Variants in GPR39 observed in about 807,000 individuals in gnomAD.
The protein encoded by GPR39 is zinc sensing receptor.
A neutral mutation model predicts 18.4 loss-of-function variants in GPR39; 23 were observed. The ratio of observed to expected loss-of-function variants is 1.25; its 90% confidence interval spans 0.90 to 1.77. The LOEUF (loss-of-function observed/expected upper bound fraction) is 1.77, where lower values mean the gene tolerates loss of function less well. GPR39 is among the 40% of genes most tolerant of loss of function. The probability of loss-of-function intolerance (pLI) is 0.00; values close to 1 mark genes in which losing one functional copy is unlikely to be tolerated. For synonymous variants in GPR39, 280 were observed against 257.9 expected (o/e 1.09, Z -0.82); for missense variants, 647 against 602.4 (o/e 1.07, Z -0.78).
At chr2:132,558,064 A>G (rs1680187100) in intron 1 of GPR39, among the ~76,000 whole-genome samples, 1 of 152,156 alleles carries the variant, frequency 6.6e-6, no homozygotes, top group Admixed American at 6.5e-5. Context: ...TTTTTGTTAT[A>G]TAAAGGATAC....
In GPR39 at chr2:132,646,271, T is replaced by C; in HGVS notation, c.*665T>C. ...CGCTGATGATGCACAGGACTTGCGG[T>C]ACATGATCCCTGTAACACAGACCCA... On this transcript the variant is annotated 3_prime_UTR_variant, in exon 2 of 2. Transcript: ENST00000329321. The C allele has an allele frequency of 6.5e-7, 1 of 1,543,694 alleles. No homozygotes were observed. Among genetic ancestry groups the C allele is most frequent in the Non-Finnish European group, 8.8e-7 (1 of 1,141,396 alleles).
At chr2:132,530,782 C>A (rs569626596) in intron 1 of GPR39, among the ~76,000 whole-genome samples, 54 of 152,204 alleles carry the variant, frequency 3.5e-4, no homozygotes, top group Non-Finnish European at 6.9e-4. Context: ...GAAATAAAAT[C>A]CTTTACAGAC....
intron 1 of GPR39, among the ~76,000 whole-genome samples, chr2:132,558,503 G>C (rs999088593): frequency 6.6e-6 from 1 of 152,184 alleles, no homozygotes; most frequent in Admixed American, 6.5e-5. Flanking sequence ...TTGTGACACA[G>C]AGATCAGATC....
intron 1 of GPR39, among the ~76,000 whole-genome samples, chr2:132,498,887 C>G (rs1681698662): frequency 1.3e-5 from 2 of 152,036 alleles, no homozygotes; most frequent in Non-Finnish European, 2.9e-5. Context: ...GTGTTCATGT[C>G]TTTAGCCCAC....
intron 1 of GPR39, among the ~76,000 whole-genome samples, chr2:132,441,810 T>C (rs1480812848): frequency 6.6e-6 from 1 of 152,206 alleles, no homozygotes; most frequent in Non-Finnish European, 1.5e-5. Context: ...AGACTCAGGC[T>C]TGGGGTTTTA....
In GPR39 at chr2:132,450,979, A is replaced by G. The variant is rs1018968531; in HGVS notation, c.856+33081A>G. ...CTGATTTTCAGCCCAAATTCCAGCT[A>G]TGTCCAGTGCTCAAAGGTGGATGCC... On this transcript the variant is annotated intron_variant, in intron 1 of 1. Coordinates refer to ENST00000329321, the MANE Select transcript of GPR39 (RefSeq NM_001508.3). Among the ~76,000 whole-genome samples, 7 of 152,306 alleles carry G rather than the reference A, an allele frequency of 4.6e-5. No individual in the cohort carries two copies. The South Asian group carries it at 1.2e-3, about 27-fold the overall frequency.
rs966463098 is a variant in GPR39 at position 132,643,589 on chromosome 2, C to T, written c.857-1512C>T. Among the ~76,000 whole-genome samples, 9 of 152,330 alleles carry T rather than the reference C, an allele frequency of 5.9e-5. No homozygotes were observed. In the South Asian group the frequency reaches 1.0e-3, roughly 18 times the overall value. On this transcript the variant is annotated intron_variant, in intron 1 of 1. Transcript: ENST00000329321. ...AGTGCAGTGGCACATTCGTGTCTCA[C>T]TGTAGCCTTCACCTCCTGGGCTCAA...
At chr2:132,603,689 A>G (rs1419324133) in intron 1 of GPR39, among the ~76,000 whole-genome samples, 6 of 152,224 alleles carry the variant, frequency 3.9e-5, no homozygotes, top group Non-Finnish European at 8.8e-5. Context: ...AGGTGATCAC[A>G]AAGGGTGTAC....
At chr2:132,451,147 CTGTGTGTGTGTG>C (rs34508615) in intron 1 of GPR39, among the ~76,000 whole-genome samples, 1 of 105,982 alleles carries the variant, frequency 9.4e-6, no homozygotes, top group African/African-American at 2.8e-5. Flanking sequence ...ATCTTTGAGG[CTGTGTGTGTGTG>C]TGTGTGTGTG....
intron 1 of GPR39, among the ~76,000 whole-genome samples, chr2:132,558,038 G>A (rs948285496): frequency 2.0e-5 from 3 of 152,068 alleles, no homozygotes; most frequent in Admixed American, 1.3e-4. Flanking sequence ...AGCTAGGAAA[G>A]CCTTTTAGGG....
intron 1 of GPR39, among the ~76,000 whole-genome samples, chr2:132,632,819 A>T (rs890629613): frequency 2.0e-5 from 3 of 152,180 alleles, no homozygotes; most frequent in Non-Finnish European, 4.4e-5. Context: ...TCTGGGGCAG[A>T]TGATTGGATT....
At chr2:132,463,884 A>G (rs1290491398) in intron 1 of GPR39, among the ~76,000 whole-genome samples, 3 of 152,214 alleles carry the variant, frequency 2.0e-5, no homozygotes, top group African/African-American at 7.2e-5. Context: ...CTTGTTTGCA[A>G]GTTGGTGCAG....
At chr2:132,467,404 T>TC in intron 1 of GPR39, among the ~76,000 whole-genome samples, 1 of 152,246 alleles carries the variant, frequency 6.6e-6, no homozygotes, top group South Asian at 2.1e-4. Context: ...AACTGAGGAC[T>TC]ACTAGAGAGG....
intron 1 of GPR39, among the ~76,000 whole-genome samples, chr2:132,462,219 G>A (rs1277398544): frequency 6.6e-6 from 1 of 152,138 alleles, no homozygotes; most frequent in Non-Finnish European, 1.5e-5. Context: ...TGCATGCAGG[G>A]CCTCACAAAG....
intron 1 of GPR39, among the ~76,000 whole-genome samples, chr2:132,571,970 G>A (rs1680446348): frequency 6.6e-6 from 1 of 152,128 alleles, no homozygotes; most frequent in Non-Finnish European, 1.5e-5. Context: ...TATGACCTCA[G>A]CCTGGGCAAG....
intron 1 of GPR39, among the ~76,000 whole-genome samples, chr2:132,587,362 C>A (rs1351135681): frequency 6.6e-6 from 1 of 152,170 alleles, no homozygotes; most frequent in Non-Finnish European, 1.5e-5. Context: ...TCATAATAGG[C>A]CAAGAACCAG....
At chr2:132,581,442 T>A (rs1680621196) in intron 1 of GPR39, among the ~76,000 whole-genome samples, 3 of 151,846 alleles carry the variant, frequency 2.0e-5, no homozygotes. Flanking sequence ...GCCTTGCAGA[T>A]GCTTTTAAAT....
chr2:132,585,926 CG>C (rs1680717809), intron 1 of GPR39, among the ~76,000 whole-genome samples: 1 of 130,610 alleles, frequency 7.7e-6, no homozygotes. Context: ...ACCCAGTGAT[CG>C]GGCTTCTCGA....
At chr2:132,640,048 G>T (rs1681831616) in intron 1 of GPR39, among the ~76,000 whole-genome samples, 1 of 152,194 alleles carries the variant, frequency 6.6e-6, no homozygotes, top group Non-Finnish European at 1.5e-5. Context: ...TTGCTCATGT[G>T]TAAGACAAGG....
Sources: gnomAD v4.1 joint callset for allele counts (sites outside exome capture counted in the v4.1 genomes callset) on GRCh38, gnomAD v4.1.1 for gene constraint, MANE v1.5 for transcripts, NCBI Gene and HGNC (gene_info 2026-07-23, HGNC 2026-07-21) for gene names.